ZNF567: variants seen among roughly 807,000 people sequenced by gnomAD.
ZNF567 encodes the protein zinc finger protein 567.
In ZNF567, 36 loss-of-function variants were observed where a neutral mutation model predicts 53.9. That is an observed-to-expected ratio of 0.67 (90% CI 0.51 to 0.88). The LOEUF (loss-of-function observed/expected upper bound fraction) is 0.88. Ranked by LOEUF, ZNF567 falls within the 40% of genes least tolerant of loss-of-function variation. ZNF567 has a pLI of 0.00. For synonymous variants in ZNF567, 224 were observed against 260.4 expected (o/e 0.86, Z 1.35); for missense variants, 619 against 764.7 (o/e 0.81, Z 2.25).
chr19:36,719,382 C>G lies in ZNF567; in HGVS notation c.658C>G (p.Leu220Val). ...ATATAATGACTGTGAGAAATCATTCCTTCAAAGGGGAGGCCTGATTACACA... is the reference window on the plus strand; with the variant it reads ...ATATAATGACTGTGAGAAATCATTCGTTCAAAGGGGAGGCCTGATTACACA... ...FGYNDCEKSF[L>V]QRGGLITHSR... Residue 220 changes from leucine to valine, a missense_variant, in exon 6 of 6, where the codon CTT (leucine) becomes GTT (valine). By Grantham distance (32) the Leu-to-Val change is conservative. Transcript: ENST00000682579. 1 of 1,613,728 alleles carries G rather than the reference C, an allele frequency of 6.2e-7. No individual in the cohort carries two copies. The highest frequency in any genetic ancestry group is 8.5e-7 in the Non-Finnish European group (1 of 1,179,974).
intron 2 of ZNF567, 45 bp from the exon 3 acceptor site, chr19:36,694,757 A>T (rs1057504744): frequency 5.3e-6 from 5 of 947,368 alleles, no homozygotes; most frequent in Non-Finnish European, 7.8e-6. Context: ...TGTGAGGCAC[A>T]TGTGGTCTCA....
Position 36,704,966 on chromosome 19 carries a change from A to T in ZNF567, c.10-7420A>T, listed in dbSNP as rs2039417364. On this transcript the variant is annotated intron_variant, in intron 3 of 5. Coordinates refer to ENST00000682579, the MANE Select transcript of ZNF567 (RefSeq NM_001322917.1). ...GACTGTCTAGGAATTTGTTCAGTTC[A>T]TCTAAGTTGTAAAATGTATTGGCAT... Among the ~76,000 whole-genome samples, 9 of 152,214 alleles carry T rather than the reference A, an allele frequency of 5.9e-5. No individual in the cohort carries two copies. In the South Asian group the frequency reaches 1.9e-3, roughly 31 times the overall value.
chr19:36,712,997 A>G lies in ZNF567; in HGVS notation c.223+130A>G, dbSNP rs749962970. ...AGGCTCTTGACCTCTGAAAACCTTCATGCCTATAAAACTCAAAACCAGACC... is the reference window on the plus strand; with the variant it reads ...AGGCTCTTGACCTCTGAAAACCTTCGTGCCTATAAAACTCAAAACCAGACC... On this transcript the variant is annotated intron_variant, in intron 5 of 5. Coordinates refer to ENST00000682579, the MANE Select transcript of ZNF567 (RefSeq NM_001322917.1). 22 of 709,538 alleles carry G rather than the reference A, an allele frequency of 3.1e-5. No homozygotes were observed. In the African/African-American group the frequency reaches 3.4e-4, roughly 11 times the overall value. The allele number at this position is 709,538 out of a possible 1,614,324, so 44.0% of individuals were successfully genotyped here.
chr19:36,701,812 T>C (rs553938803), intron 3 of ZNF567, among the ~76,000 whole-genome samples: 5 of 143,210 alleles, frequency 3.5e-5, no homozygotes, highest in Non-Finnish European at 7.6e-5. Context: ...TTTGAGCCTA[T>C]GTGTGTCTCT....
chr19:36,679,884 T>A, the ZNF567 span, among the ~76,000 whole-genome samples: 1 of 152,158 alleles, frequency 6.6e-6, no homozygotes, highest in African/African-American at 2.4e-5. Context: ...AAGTTTTGTT[T>A]AGATAGGAAG....
intron 2 of ZNF567, among the ~76,000 whole-genome samples, chr19:36,691,712 T>G (rs889840958): frequency 3.3e-5 from 5 of 152,338 alleles, no homozygotes; most frequent in Admixed American, 6.5e-5. Context: ...AAAGGAGTCA[T>G]GCAGAATGTA....
intron 5 of ZNF567, among the ~76,000 whole-genome samples, chr19:36,713,418 C>T (rs1425021619): frequency 6.6e-6 from 1 of 151,484 alleles, no homozygotes. Flanking sequence ...GATTGCACCA[C>T]TCCAACCTGG....
chr19:36,704,105 T>A (rs1211190057), intron 3 of ZNF567, among the ~76,000 whole-genome samples: 1 of 152,224 alleles, frequency 6.6e-6, no homozygotes, highest in African/African-American at 2.4e-5. Context: ...CATTCCAGTT[T>A]GCTGATAGTT....
At chr19:36,712,935 G>A in intron 5 of ZNF567, 68 bp downstream of exon 5, 1 of 1,241,006 alleles carries the variant, frequency 8.1e-7, no homozygotes, top group Non-Finnish European at 1.1e-6. Flanking sequence ...AAGTGGGGGT[G>A]ATACCTTTGA....
the ZNF567 span, chr19:36,668,903 T>G: frequency 6.6e-6 from 1 of 152,174 alleles, no homozygotes; most frequent in South Asian, 2.1e-4. Flanking sequence ...GCCCTCCCTA[T>G]CCATGGGTCT....
the ZNF567 span, among the ~76,000 whole-genome samples, chr19:36,670,848 T>G: frequency 6.6e-6 from 1 of 152,150 alleles, no homozygotes; most frequent in African/African-American, 2.4e-5. Context: ...ACACCTGTAA[T>G]CCCAGCACTT....
downstream of ZNF567, among the ~76,000 whole-genome samples, chr19:36,725,997 CTT>C (rs1249674747): frequency 6.6e-6 from 1 of 152,054 alleles, no homozygotes; most frequent in Admixed American, 6.6e-5. Flanking sequence ...CTATCTCTCT[CTT>C]GTTCAGATTG....
At chr19:36,689,265 G>A (rs1451364199) in intron 1 of ZNF567, 132 bp from the exon 2 acceptor site, 1 of 142,546 alleles carries the variant, frequency 7.0e-6, no homozygotes, top group Non-Finnish European at 1.5e-5. Flanking sequence ...GTGTGTGTGT[G>A]TGTGTGTGTA....
At chr19:36,669,573 T>C in the ZNF567 span, among the ~76,000 whole-genome samples, 3 of 152,154 alleles carry the variant, frequency 2.0e-5, no homozygotes, top group Admixed American at 1.3e-4. Context: ...ATAGTGTCTA[T>C]TTCAGTGAGA....
At chr19:36,703,188 C>T (rs1004325380) in intron 3 of ZNF567, among the ~76,000 whole-genome samples, 2 of 152,172 alleles carry the variant, frequency 1.3e-5, no homozygotes, top group African/African-American at 4.8e-5. Flanking sequence ...GCTAGAGGTC[C>T]ACTCCAGACC....
At chr19:36,716,356 C>T (rs2040066013) in intron 5 of ZNF567, among the ~76,000 whole-genome samples, 1 of 152,148 alleles carries the variant, frequency 6.6e-6, no homozygotes, top group South Asian at 2.1e-4. Context: ...TGAAATCTTC[C>T]TTGATTACTG....
intron 3 of ZNF567, 44 bp from the exon 4 acceptor site, chr19:36,712,342 C>G: frequency 1.3e-6 from 2 of 1,591,050 alleles, no homozygotes; most frequent in Non-Finnish European, 8.6e-7. Flanking sequence ...ACCACTGTAC[C>G]TGGCTAAGTC....
chr19:36,688,170 G>C (rs898873320), intron 1 of ZNF567, among the ~76,000 whole-genome samples: 1 of 152,176 alleles, frequency 6.6e-6, no homozygotes, highest in African/African-American at 2.4e-5. Context: ...TGAGTGAAAG[G>C]TTGTTACTTT....
At chr19:36,688,328 CTT>C (rs1475274073) in intron 1 of ZNF567, among the ~76,000 whole-genome samples, 5 of 152,078 alleles carry the variant, frequency 3.3e-5, no homozygotes, top group African/African-American at 7.2e-5. Context: ...CACTGTGTGA[CTT>C]AGGTGGAGTG....
Sources: gnomAD v4.1 joint callset for allele counts (sites outside exome capture counted in the v4.1 genomes callset) on GRCh38, gnomAD v4.1.1 for gene constraint, MANE v1.5 for transcripts, NCBI Gene and HGNC (gene_info 2026-07-23, HGNC 2026-07-21) for gene names.